The following WWP1 variants were observed in gnomAD, a reference collection of about 807,000 sequenced individuals.
The protein encoded by WWP1 is WW domain containing E3 ubiquitin protein ligase 1, also known as NEDD4-like E3 ubiquitin-protein ligase WWP1.
A neutral mutation model predicts 130.6 loss-of-function variants in WWP1; 49 were observed. The observed-to-expected ratio is 0.38, with a 90% CI of 0.30 to 0.48. The LOEUF is 0.48. Among genes scored for constraint, WWP1 ranks in the 20% least tolerant of loss-of-function variants. The pLI is 0.99. For missense variants in WWP1, 809 were observed against 1,100.6 expected, an observed-to-expected ratio of 0.74 and a Z score of 3.75; for synonymous variants, 332 against 367.8, an observed-to-expected ratio of 0.90 and a Z score of 1.11.
At chr8:86,409,730 G>A (rs972736634) in intron 8 of WWP1, among the ~76,000 whole-genome samples, 61 of 151,780 alleles carry the variant, frequency 4.0e-4, no homozygotes, top group African/African-American at 1.3e-3. Flanking sequence ...GCGTGGTGGC[G>A]GGTGCCTGTA....
At chr8:86,351,840 A>G (rs1159192257) in intron 1 of WWP1, among the ~76,000 whole-genome samples, 2 of 152,092 alleles carry the variant, frequency 1.3e-5, no homozygotes, top group Admixed American at 1.3e-4. Flanking sequence ...CTTATTAAAC[A>G]TGTTGATTCT....
Position 86,448,162 on chromosome 8 carries a change from A to C in WWP1, c.2013A>C (p.Gly671=). 1 of 1,555,258 alleles carries C rather than the reference A, an allele frequency of 6.4e-7. No homozygotes were observed. Among genetic ancestry groups the C allele is most frequent in the South Asian group, 1.3e-5 (1 of 78,650 alleles). ...GRFIAMALFH[G]KFIDTGFSLP... is the part of the protein sequence containing the mutation. ...TTTCTTTGCAGGCACTATTTCATGGAAAGTTTATCGATACTGGTTTCTCTT... is the reference window on the plus strand; with the variant it reads ...TTTCTTTGCAGGCACTATTTCATGGCAAGTTTATCGATACTGGTTTCTCTT... Residue 671 remains glycine (G), a synonymous_variant, in exon 19 of 25, where the codon GGA becomes GGC. Coordinates refer to ENST00000517970, the MANE Select transcript of WWP1 (RefSeq NM_007013.4).
chr8:86,375,502 G>A (rs879890678), intron 3 of WWP1, among the ~76,000 whole-genome samples: 2 of 152,090 alleles, frequency 1.3e-5, no homozygotes, highest in Admixed American at 6.6e-5. Flanking sequence ...TACATGTGCA[G>A]TATACGTATC....
chr8:86,362,158 C>CAAGGCATATATATATATATATATATATAT (rs1563465785), intron 1 of WWP1, among the ~76,000 whole-genome samples: 6 of 52,298 alleles, frequency 1.1e-4, no homozygotes, highest in African/African-American at 6.2e-4. Flanking sequence ...TATATATATA[C>CAAGGCATATATATATATATATATATATAT]AAGGCATATA....
chr8:86,382,131 C>G (rs925988528), intron 5 of WWP1, among the ~76,000 whole-genome samples: 2 of 151,974 alleles, frequency 1.3e-5, no homozygotes, highest in Non-Finnish European at 2.9e-5. Flanking sequence ...GGTCACTGTC[C>G]TTTTGTTTTT....
intron 1 of WWP1, among the ~76,000 whole-genome samples, chr8:86,361,500 T>C (rs1289986824): frequency 1.3e-5 from 2 of 152,194 alleles, no homozygotes; most frequent in African/African-American, 4.8e-5. Flanking sequence ...TGGTTCTGTA[T>C]GGCTTTCCTG....
chr8:86,422,950 C>A (rs1431203462), intron 9 of WWP1, among the ~76,000 whole-genome samples: 2 of 152,006 alleles, frequency 1.3e-5, no homozygotes, highest in African/African-American at 4.8e-5. Context: ...TTCTTTAAGG[C>A]GATTTCTGCT....
chr8:86,371,902 C>T (rs1041216656), intron 2 of WWP1, among the ~76,000 whole-genome samples: 3 of 151,778 alleles, frequency 2.0e-5, no homozygotes, highest in Admixed American at 6.6e-5. Flanking sequence ...AGTGTAGTGA[C>T]GTGACCTCAG....
chr8:86,362,798 A>C (rs1212197304), intron 1 of WWP1, among the ~76,000 whole-genome samples: 1 of 152,196 alleles, frequency 6.6e-6, no homozygotes, highest in African/African-American at 2.4e-5. Context: ...ACAGAAATTT[A>C]CATCAGAAAT....
At chr8:86,465,452 G>T (rs1312481716) in intron 24 of WWP1, among the ~76,000 whole-genome samples, 1 of 151,846 alleles carries the variant, frequency 6.6e-6, no homozygotes, top group Non-Finnish European at 1.5e-5. Context: ...ACAAAACTTC[G>T]TCTCTACAAA....
intron 23 of WWP1, 103 bp from the exon 24 acceptor site, chr8:86,461,671 G>GT: frequency 1.1e-6 from 1 of 913,036 alleles, no homozygotes; most frequent in Non-Finnish European, 1.7e-6. Context: ...TCTTTATTTT[G>GT]TATCATTCAT....
At chr8:86,353,481 A>C (rs1243690612) in intron 1 of WWP1, among the ~76,000 whole-genome samples, 1 of 151,970 alleles carries the variant, frequency 6.6e-6, no homozygotes, top group Non-Finnish European at 1.5e-5. Context: ...TTTCTTTTTG[A>C]GGAGCCTATT....
chr8:86,377,746 G>A (rs370379822), intron 3 of WWP1, among the ~76,000 whole-genome samples: 8 of 152,192 alleles, frequency 5.3e-5, no homozygotes, highest in African/African-American at 1.9e-4. Flanking sequence ...ACTTTCAACA[G>A]GAAACTGTCA....
rs1404328136 is a variant in WWP1, at chr8:86,431,481, G to A, written c.1463G>A (p.Arg488Lys). 1.2e-6 allele frequency: 2 copies of A among 1,611,362 alleles called. No individual in the cohort carries two copies. The highest frequency in any genetic ancestry group is 1.7e-6 in the Non-Finnish European group (2 of 1,178,716). ...NTKTTQWEDP[R>K]TQGLQNEEPL... ...AAAACAACCCAGTGGGAAGATCCAA[G>A]AACTCAAGGGTATGTATATACAGCA... Residue 488 changes from arginine to lysine, a missense_variant, in exon 13 of 25, where the codon AGA (arginine) becomes AAA (lysine). This residue lies in a region of WWP1 where 450 missense variants were observed against 674.2 expected (regional missense o/e 0.67). Transcript: ENST00000517970.
chr8:86,348,425 T>C (rs1727059968), intron 1 of WWP1, among the ~76,000 whole-genome samples: 1 of 151,910 alleles, frequency 6.6e-6, no homozygotes, highest in East Asian at 1.9e-4. Context: ...TCCATGTTGG[T>C]CAGGCTGGTC....
chr8:86,403,807 A>C (rs548109644), intron 8 of WWP1, among the ~76,000 whole-genome samples: 1 of 152,056 alleles, frequency 6.6e-6, no homozygotes, highest in African/African-American at 2.4e-5. Context: ...AGAATTTTTT[A>C]GTCTTAATTT....
At chr8:86,371,161 C>T (rs1054710153) in intron 2 of WWP1, among the ~76,000 whole-genome samples, 1 of 151,522 alleles carries the variant, frequency 6.6e-6, no homozygotes, top group Admixed American at 6.6e-5. Flanking sequence ...CCTCCCAAAG[C>T]ACTGGAATTA....
intron 5 of WWP1, among the ~76,000 whole-genome samples, chr8:86,393,036 TTGA>T (rs1332393258): frequency 1.3e-5 from 2 of 152,214 alleles, no homozygotes; most frequent in Non-Finnish European, 2.9e-5. Flanking sequence ...AAGCATTTCT[TTGA>T]TTATTAATAA....
intron 3 of WWP1, among the ~76,000 whole-genome samples, chr8:86,380,483 T>G (rs1355630155): frequency 6.6e-6 from 1 of 152,202 alleles, no homozygotes; most frequent in Admixed American, 6.5e-5. Context: ...AGTGAAACCA[T>G]TGAATTGTAC....
Sources: allele counts gnomAD v4.1 joint callset (sites outside exome capture counted in the v4.1 genomes callset), GRCh38; gene constraint gnomAD v4.1.1; regional missense constraint gnomAD v4.1.1; transcripts MANE v1.5; gene names NCBI Gene and HGNC (gene_info 2026-07-23, HGNC 2026-07-21).